FHIT: variants seen among roughly 807,000 people sequenced by gnomAD.
The protein encoded by FHIT is fragile histidine triad diadenosine triphosphatase.
In FHIT, 19 loss-of-function variants were observed where a neutral mutation model predicts 17.9. That is an observed-to-expected ratio of 1.06 (90% CI 0.74 to 1.56). The LOEUF (loss-of-function observed/expected upper bound fraction) is 1.56, where lower values mean the gene tolerates loss of function less well. Among genes scored for constraint, FHIT ranks in the 40% most tolerant of loss-of-function variants. The pLI, the probability that FHIT is intolerant of heterozygous loss-of-function variation, is 0.00. For synonymous variants in FHIT, 81 were observed against 69.7 expected (o/e 1.16, Z -0.81); for missense variants, 248 against 189.2 (o/e 1.31, Z -1.82).
At chr3:60,601,451 A>G (rs1393442163) in intron 4 of FHIT, among the ~76,000 whole-genome samples, 3 of 152,204 alleles carry the variant, frequency 2.0e-5, no homozygotes, top group Non-Finnish European at 4.4e-5. Flanking sequence ...TTAGAAAAGT[A>G]TGTAAAAAGC....
intron 8 of FHIT, among the ~76,000 whole-genome samples, chr3:59,844,221 A>T (rs922645381): frequency 5.3e-4 from 81 of 152,298 alleles, no homozygotes; most frequent in African/African-American, 1.6e-3. Context: ...GCAATGGAAG[A>T]ATAGCCTAAT....
chr3:60,385,746 AT>A (rs1371828219), intron 5 of FHIT, among the ~76,000 whole-genome samples: 1 of 151,170 alleles, frequency 6.6e-6, no homozygotes, highest in Non-Finnish European at 1.5e-5. Flanking sequence ...TACCCAGTGA[AT>A]TTTTTTTTCT....
At chr3:59,940,807 CCCCTGGCACCAT>C (rs1469479913) in intron 7 of FHIT, among the ~76,000 whole-genome samples, 1 of 152,154 alleles carries the variant, frequency 6.6e-6, no homozygotes, top group Non-Finnish European at 1.5e-5. Flanking sequence ...CTTAGCACCG[CCCCTGGCACCAT>C]TAGAAAATGC....
At chr3:60,756,700 T>C (rs1366948521) in intron 4 of FHIT, among the ~76,000 whole-genome samples, 1 of 152,212 alleles carries the variant, frequency 6.6e-6, no homozygotes, top group East Asian at 1.9e-4. Context: ...CCTGTGATCC[T>C]AAAACAACTC....
intron 7 of FHIT, among the ~76,000 whole-genome samples, chr3:59,962,596 G>T (rs933063125): frequency 6.6e-6 from 1 of 152,164 alleles, no homozygotes; most frequent in Non-Finnish European, 1.5e-5. Context: ...AAATGACAGG[G>T]TTTAATCCTC....
At chr3:60,323,983 G>A (rs1709553429) in intron 5 of FHIT, among the ~76,000 whole-genome samples, 1 of 82,394 alleles carries the variant, frequency 1.2e-5, no homozygotes, top group Non-Finnish European at 2.4e-5. Context: ...CACCAAGGTA[G>A]GGCAGTTTTT....
intron 1 of FHIT, among the ~76,000 whole-genome samples, chr3:61,209,010 T>G (rs1271795443): frequency 3.3e-5 from 5 of 152,018 alleles, no homozygotes; most frequent in African/African-American, 1.2e-4. Flanking sequence ...AGGGCTGGCC[T>G]GGTGGTGAGA....
At chr3:59,915,415 A>G (rs376660670) in intron 8 of FHIT, among the ~76,000 whole-genome samples, 3 of 152,322 alleles carry the variant, frequency 2.0e-5, no homozygotes, top group African/African-American at 7.2e-5. Flanking sequence ...ATTTTGGGAA[A>G]CTAATCTAGG....
intron 5 of FHIT, among the ~76,000 whole-genome samples, chr3:60,436,674 C>A (rs1393603103): frequency 1.3e-5 from 2 of 152,012 alleles, no homozygotes; most frequent in Admixed American, 1.3e-4. Context: ...ATGTCTGTGG[C>A]CATACAGACA....
At chr3:60,059,135 TTAAAA>T (rs1338597704) in intron 5 of FHIT, among the ~76,000 whole-genome samples, 1 of 152,132 alleles carries the variant, frequency 6.6e-6, no homozygotes, top group Non-Finnish European at 1.5e-5. Context: ...TTAACTCTCT[TTAAAA>T]TAATAATTTG....
At chr3:60,676,307 C>T (rs538397896) in intron 4 of FHIT, among the ~76,000 whole-genome samples, 2 of 152,008 alleles carry the variant, frequency 1.3e-5, no homozygotes, top group Admixed American at 6.6e-5. Flanking sequence ...TTTGACAATC[C>T]TTTGGTGGTG....
intron 8 of FHIT, among the ~76,000 whole-genome samples, chr3:59,821,826 T>G (rs1040891129): frequency 6.6e-6 from 1 of 152,182 alleles, no homozygotes; most frequent in East Asian, 1.9e-4. Context: ...CATAGGTTTT[T>G]GGGGGAACAA....
At chr3:60,261,560 A>G (rs748626005) in intron 5 of FHIT, among the ~76,000 whole-genome samples, 8 of 152,084 alleles carry the variant, frequency 5.3e-5, no homozygotes, top group Non-Finnish European at 8.8e-5. Flanking sequence ...AAGACATACT[A>G]AAAAGAAACC....
intron 5 of FHIT, among the ~76,000 whole-genome samples, chr3:60,498,709 C>T (rs1228691276): frequency 6.6e-6 from 1 of 152,170 alleles, no homozygotes; most frequent in Non-Finnish European, 1.5e-5. Context: ...ACATCACACA[C>T]CTTAATTACT....
At chr3:61,037,163 G>C (rs1036123493) in intron 3 of FHIT, among the ~76,000 whole-genome samples, 1 of 151,984 alleles carries the variant, frequency 6.6e-6, no homozygotes, top group Non-Finnish European at 1.5e-5. Flanking sequence ...CATCCGTCTC[G>C]GTCTCCCAAA....
chr3:60,222,669 A>G (rs1011321787), intron 5 of FHIT, among the ~76,000 whole-genome samples: 1 of 152,146 alleles, frequency 6.6e-6, no homozygotes, highest in Admixed American at 6.5e-5. Context: ...ATTTTAAATA[A>G]CATTTCCTAC....
intron 1 of FHIT, among the ~76,000 whole-genome samples, chr3:61,240,469 C>T (rs1334907760): frequency 2.0e-5 from 3 of 152,132 alleles, no homozygotes; most frequent in African/African-American, 7.2e-5. Context: ...TGGGCATTTG[C>T]TCCACACCTG....
In FHIT at chr3:60,206,168, A is replaced by ATTATTATT. The variant is rs775940301; in HGVS notation, c.104-192017_104-192016insAATAATAA. Among the ~76,000 whole-genome samples the ATTATTATT allele has an allele frequency of 4.9e-3, 668 of 135,168 alleles. 4 individuals are homozygous for ATTATTATT. The highest frequency in any genetic ancestry group is 0.016 in the African/African-American group (547 of 33,274). 88.7% of individuals were successfully genotyped at this position (135,168 alleles called of 152,430 possible). On this transcript the variant is annotated intron_variant, in intron 5 of 9. Transcript: ENST00000492590. ...AAAAATAAATAATAATAATAATAAT[A>ATTATTATT]ATAATTATAACACTTAAAAATGAGC...
At chr3:60,591,721 C>A (rs569321202) in intron 4 of FHIT, among the ~76,000 whole-genome samples, 1 of 152,114 alleles carries the variant, frequency 6.6e-6, no homozygotes, top group East Asian at 1.9e-4. Context: ...TTCTGAGATT[C>A]ATTCTTTAGT....
Sources: allele counts gnomAD v4.1 joint callset (sites outside exome capture counted in the v4.1 genomes callset), GRCh38; gene constraint gnomAD v4.1.1; transcripts MANE v1.5; gene names NCBI Gene and HGNC (gene_info 2026-07-23, HGNC 2026-07-21).